Variants in MRPL1 observed in about 807,000 individuals in gnomAD.
MRPL1 encodes the protein large ribosomal subunit protein uL1m.
A neutral mutation model predicts 38.0 loss-of-function variants in MRPL1; 28 were observed. The ratio of observed to expected loss-of-function variants is 0.74; its 90% CI spans 0.55 to 1.01. The LOEUF (loss-of-function observed/expected upper bound fraction) is 1.01, where lower values mean the gene tolerates loss of function less well. Ranked by LOEUF, MRPL1 falls within the 50% of genes least tolerant of loss-of-function variation. The pLI, the probability that MRPL1 is intolerant of heterozygous loss-of-function variation, is 0.00. For missense variants in MRPL1, 358 were observed against 389.8 expected (o/e 0.92, Z 0.69); for synonymous variants, 123 against 126.7 (o/e 0.97, Z 0.20).
intron 8 of MRPL1, among the ~76,000 whole-genome samples, chr4:77,951,298 T>C (rs1211822095): frequency 6.6e-6 from 1 of 152,244 alleles, no homozygotes; most frequent in Non-Finnish European, 1.5e-5. Flanking sequence ...TAAATAAATA[T>C]TTATAACATT....
chr4:77,936,993 C>T lies in MRPL1; in HGVS notation c.778-12804C>T, dbSNP rs185251420. Among the ~76,000 whole-genome samples, 714 of 152,090 alleles carry T rather than the reference C, an allele frequency of 4.7e-3. 1 individual carries two copies. Among genetic ancestry groups the T allele is most frequent in the Middle Eastern group, 6.8e-3 (2 of 294 alleles). ...TTTAAAAATTAGCCCAGCGTGGTGGCGCATGCCTGTGGTCCTGGCTACTTG... is the reference window on the plus strand; with the variant it reads ...TTTAAAAATTAGCCCAGCGTGGTGGTGCATGCCTGTGGTCCTGGCTACTTG... On this transcript the variant is annotated intron_variant, in intron 7 of 8. Coordinates refer to ENST00000315567, the MANE Select transcript of MRPL1 (RefSeq NM_020236.4).
At chr4:77,932,546 A>G (rs1438017298) in intron 7 of MRPL1, among the ~76,000 whole-genome samples, 1 of 152,050 alleles carries the variant, frequency 6.6e-6, no homozygotes, top group Non-Finnish European at 1.5e-5. Context: ...CATTTCCAAC[A>G]TCCTCTTTGT....
intron 6 of MRPL1, among the ~76,000 whole-genome samples, chr4:77,898,264 T>TG (rs894253360): frequency 3.3e-5 from 5 of 151,524 alleles, no homozygotes; most frequent in African/African-American, 9.7e-5. Context: ...CATCTTTTTT[T>TG]TGTGTGTGTG....
At chr4:77,887,072 A>T in intron 4 of MRPL1, 148 bp from the exon 5 acceptor site, 1 of 683,540 alleles carries the variant, frequency 1.5e-6, no homozygotes, top group Non-Finnish European at 2.5e-6. Context: ...TACCAGTGAG[A>T]GCCACTGCAT....
Position 77,883,284 on chromosome 4 carries a change from A to C in MRPL1, c.186A>C (p.Pro62=). 6.3e-7 allele frequency: 1 copy of C among 1,597,402 alleles called. No homozygotes were observed. ...KTKKGAKEKT[P]DEKKDEIEKI... ...AAAAAGGTGCTAAAGAAAAAACACC[A>C]GATGAGAAAAAAGATGAAATAGAAA... The change falls in exon 3 of 9, where the codon CCA becomes CCC. Residue 62 remains proline, a synonymous_variant. Transcript: ENST00000315567.
chr4:77,931,336 T>C (rs984391181), intron 7 of MRPL1, among the ~76,000 whole-genome samples: 3 of 152,252 alleles, frequency 2.0e-5, no homozygotes, highest in Non-Finnish European at 1.5e-5. Flanking sequence ...AAGGGGTTGA[T>C]CCTGCCTGCT....
At chr4:77,919,849 A>ATATGTGTG (rs34937602) in intron 7 of MRPL1, among the ~76,000 whole-genome samples, 7 of 149,364 alleles carry the variant, frequency 4.7e-5, no homozygotes, top group Admixed American at 2.0e-4. Context: ...ATATATATAT[A>ATATGTGTG]TGTGTGTGTG....
intron 3 of MRPL1, 117 bp from the exon 4 acceptor site, chr4:77,885,139 A>G (rs573765599): frequency 2.9e-6 from 2 of 682,234 alleles, no homozygotes; most frequent in Non-Finnish European, 5.1e-6. Flanking sequence ...TTAATGGAAG[A>G]ACATAGAGTA....
chr4:77,921,748 G>A (rs992818268), intron 7 of MRPL1, among the ~76,000 whole-genome samples: 3 of 150,314 alleles, frequency 2.0e-5, no homozygotes, highest in Non-Finnish European at 4.4e-5. Context: ...GCTTTTATTT[G>A]AATAGAAAAG....
intron 2 of MRPL1, among the ~76,000 whole-genome samples, chr4:77,877,116 T>G (rs1578039246): frequency 6.6e-6 from 1 of 152,266 alleles, no homozygotes; most frequent in East Asian, 1.9e-4. Context: ...GCCAGTCTGG[T>G]CTCGAACTCC....
intron 2 of MRPL1, among the ~76,000 whole-genome samples, chr4:77,881,092 A>T (rs1447542358): frequency 6.6e-6 from 1 of 152,206 alleles, no homozygotes; most frequent in Non-Finnish European, 1.5e-5. Context: ...AGAGCAGGGA[A>T]ACTGTCATCT....
At chr4:77,905,824 T>C (rs1206654795) in intron 6 of MRPL1, among the ~76,000 whole-genome samples, 1 of 152,244 alleles carries the variant, frequency 6.6e-6, no homozygotes, top group Non-Finnish European at 1.5e-5. Flanking sequence ...TCTTTCTGTC[T>C]TCATTACCAT....
chr4:77,906,264 C>G (rs1278237795), intron 6 of MRPL1, among the ~76,000 whole-genome samples: 1 of 151,912 alleles, frequency 6.6e-6, no homozygotes, highest in Admixed American at 6.6e-5. Flanking sequence ...GCTGATAGGT[C>G]AAGTCAGAGG....
chr4:77,935,889 G>A (rs1002440310), intron 7 of MRPL1, among the ~76,000 whole-genome samples: 5 of 146,044 alleles, frequency 3.4e-5, no homozygotes, highest in South Asian at 4.3e-4. Flanking sequence ...CCAAGATTGC[G>A]CCACTGCCCT....
At chr4:77,906,894 C>G (rs535445031) in intron 6 of MRPL1, 685 of 855,658 alleles carry the variant, frequency 8.0e-4, no homozygotes, top group Admixed American at 3.5e-3. Flanking sequence ...ACTGAAAAAA[C>G]TTAGTATTTT....
chr4:77,914,892 G>C (rs1385860428), intron 7 of MRPL1, among the ~76,000 whole-genome samples: 2 of 152,114 alleles, frequency 1.3e-5, no homozygotes, highest in Non-Finnish European at 2.9e-5. Flanking sequence ...GGCCAAATCT[G>C]GTTGTGGCTG....
At chr4:77,875,289 C>T (rs532125620) in intron 2 of MRPL1, among the ~76,000 whole-genome samples, 18 of 152,150 alleles carry the variant, frequency 1.2e-4, no homozygotes, top group Middle Eastern at 3.4e-3. Context: ...AAGTGCTATG[C>T]GATCACAGAT....
chr4:77,872,090 T>A (rs1206330990), intron 2 of MRPL1, among the ~76,000 whole-genome samples: 2 of 152,184 alleles, frequency 1.3e-5, no homozygotes, highest in Non-Finnish European at 2.9e-5. Flanking sequence ...AGGAAGCTAT[T>A]GTTATTATGC....
At chr4:77,869,988 T>C in intron 1 of MRPL1, among the ~76,000 whole-genome samples, 1 of 152,092 alleles carries the variant, frequency 6.6e-6, no homozygotes, top group East Asian at 1.9e-4. Flanking sequence ...GCTCAAGTGA[T>C]CCTGCCACCT....
Sources: allele counts gnomAD v4.1 joint callset (sites outside exome capture counted in the v4.1 genomes callset), GRCh38; gene constraint gnomAD v4.1.1; transcripts MANE v1.5; gene names NCBI Gene and HGNC (gene_info 2026-07-23, HGNC 2026-07-21).